Variants in PXDNL observed in about 807,000 individuals in gnomAD.
PXDNL encodes the protein probable oxidoreductase PXDNL.
In PXDNL, 145 loss-of-function variants were observed where a neutral mutation model predicts 150.8. That is an observed-to-expected ratio of 0.96 (90% CI 0.84 to 1.10). The LOEUF (loss-of-function observed/expected upper bound fraction) is 1.10, where lower values mean the gene tolerates loss of function less well. PXDNL is among the 50% of genes least tolerant of loss of function. The pLI, the probability that PXDNL is intolerant of heterozygous loss-of-function variation, is 0.00. For synonymous variants in PXDNL, 757 were observed against 725.7 expected (o/e 1.04, Z -0.69); for missense variants, 2,087 against 1,873.9 (o/e 1.11, Z -2.10).
intron 1 of PXDNL, among the ~76,000 whole-genome samples, chr8:51,725,444 CA>C (rs549299866): frequency 1.5e-3 from 231 of 152,322 alleles, no homozygotes; most frequent in African/African-American, 5.4e-3. Flanking sequence ...GTGTTTCTAA[CA>C]CCACTTATTT....
intron 1 of PXDNL, among the ~76,000 whole-genome samples, chr8:51,790,957 C>T (rs1235115217): frequency 6.6e-6 from 1 of 151,450 alleles, no homozygotes; most frequent in Non-Finnish European, 1.5e-5. Flanking sequence ...TAGAATTTAC[C>T]ATTTTCACCT....
chr8:51,674,413 G>A (rs989112899), intron 1 of PXDNL, among the ~76,000 whole-genome samples: 1 of 152,220 alleles, frequency 6.6e-6, no homozygotes, highest in Non-Finnish European at 1.5e-5. Context: ...AAAGGAGAAT[G>A]CCTGAAATAA....
At chr8:51,725,756 G>A (rs1816808371) in intron 1 of PXDNL, among the ~76,000 whole-genome samples, 1 of 152,212 alleles carries the variant, frequency 6.6e-6, no homozygotes, top group Admixed American at 6.5e-5. Context: ...GTTCTCTTTA[G>A]TAAGACACCT....
intron 2 of PXDNL, among the ~76,000 whole-genome samples, chr8:51,613,474 C>T (rs559899116): frequency 2.2e-5 from 1 of 46,320 alleles, no homozygotes; most frequent in Admixed American, 3.2e-4. Flanking sequence ...AACCTCACAG[C>T]TTAAGGGGGC....
intron 17 of PXDNL, among the ~76,000 whole-genome samples, chr8:51,379,146 G>A (rs1807456167): frequency 6.6e-6 from 1 of 151,946 alleles, no homozygotes; most frequent in African/African-American, 2.4e-5. Flanking sequence ...CAAACTTCCA[G>A]TGAACGTGGA....
intron 5 of PXDNL, among the ~76,000 whole-genome samples, chr8:51,487,351 A>C (rs373397448): frequency 1.3e-5 from 2 of 151,990 alleles, no homozygotes; most frequent in African/African-American, 4.8e-5. Flanking sequence ...TCCCTTGAAA[A>C]TCCAGGAGAC....
chr8:51,448,176 C>T (rs1281471831), intron 11 of PXDNL, among the ~76,000 whole-genome samples: 1 of 152,224 alleles, frequency 6.6e-6, no homozygotes, highest in Non-Finnish European at 1.5e-5. Flanking sequence ...CTTAGACAAG[C>T]TCTCATCCAG....
In PXDNL at chr8:51,631,500, T is replaced by G. The variant is rs1814488304; in HGVS notation, c.236+23189A>C. On this transcript the variant is annotated intron_variant, in intron 2 of 22. Coordinates refer to ENST00000356297, the MANE Select transcript of PXDNL (RefSeq NM_144651.5). ...AAACAAGAGCTAAGAGATTTTATTG[T>G]TAGTGGACCTATCCTACAAGAAATT... Among the ~76,000 whole-genome samples, 5 of 152,154 alleles carry G rather than the reference T, an allele frequency of 3.3e-5. 1 individual carries two copies. The highest frequency in any genetic ancestry group is 3.3e-4 in the Admixed American group (5 of 15,274).
At chr8:51,671,205 A>T (rs1815494192) in intron 1 of PXDNL, among the ~76,000 whole-genome samples, 1 of 152,246 alleles carries the variant, frequency 6.6e-6, no homozygotes. Context: ...AGAGATCGAC[A>T]GATAGAATTC....
intron 4 of PXDNL, among the ~76,000 whole-genome samples, chr8:51,522,057 T>C (rs1186000374): frequency 6.6e-6 from 1 of 152,152 alleles, no homozygotes; most frequent in East Asian, 1.9e-4. Flanking sequence ...AAACAAGGAA[T>C]GAACATCATA....
intron 21 of PXDNL, 31 bp downstream of exon 21, chr8:51,339,593 T>C: frequency 6.2e-7 from 1 of 1,605,626 alleles, no homozygotes; most frequent in Non-Finnish European, 8.5e-7. Flanking sequence ...ACGCATACAA[T>C]AAGGACATGT....
chr8:51,803,767 C>T (rs1212308490), intron 1 of PXDNL, among the ~76,000 whole-genome samples: 3 of 152,150 alleles, frequency 2.0e-5, no homozygotes, highest in Non-Finnish European at 2.9e-5. Context: ...GAATTCTAGC[C>T]TATGTGGCCT....
rs531185519 is a variant in PXDNL, at chr8:51,669,991, C to A, written c.165-15231G>T. On this transcript the variant is annotated intron_variant, in intron 1 of 22. Transcript: ENST00000356297. Reference sequence around the variant, plus strand: ...GTGGCTCATGCCTGTAATCTCAGTACTTTGGGAGGCCAAGGTGGGCAGATC... The same window carrying A: ...GTGGCTCATGCCTGTAATCTCAGTAATTTGGGAGGCCAAGGTGGGCAGATC... 9.9e-5 allele frequency among the ~76,000 whole-genome samples: 15 copies of A among 152,262 alleles called. No individual in the cohort carries two copies. In the South Asian group the frequency reaches 2.9e-3, roughly 29 times the overall value.
chr8:51,375,019 A>G (rs972210482), intron 17 of PXDNL, among the ~76,000 whole-genome samples: 1 of 152,140 alleles, frequency 6.6e-6, no homozygotes, highest in Non-Finnish European at 1.5e-5. Flanking sequence ...CATATGGAGT[A>G]TAACTGTATA....
intron 17 of PXDNL, among the ~76,000 whole-genome samples, chr8:51,399,723 T>C (rs536628301): frequency 5.3e-5 from 8 of 152,366 alleles, no homozygotes; most frequent in African/African-American, 1.9e-4. Context: ...TTGTACCACA[T>C]GCCACTTTTG....
rs1234949984 is a variant in PXDNL at position 51,449,115 on chromosome 8, G to T, written c.1253C>A (p.Pro418His). 1.3e-6 allele frequency: 2 copies of T among 1,516,926 alleles called. No homozygotes were observed. The highest frequency in any genetic ancestry group is 1.8e-6 in the Non-Finnish European group (2 of 1,120,760). The allele number at this position is 1,516,926 out of a possible 1,614,324, so 94.0% of individuals were successfully genotyped here. The change falls in exon 11 of 23, where the codon CCT becomes CAT. Residue 418 changes from proline to histidine, a missense_variant. Pro to His is a moderately conservative substitution (Grantham distance 77). Transcript: ENST00000356297. ...QAAANIIVQA[P>H]PQFTVTPKDQ... ...CTTGGGGGTTACTGTAAATTGTGGA[G>T]GAGCTAAAGAGAATGAAACATACAT...
rs539022633 is a variant in PXDNL at position 51,699,894 on chromosome 8, A to G, written c.165-45134T>C. On this transcript the variant is annotated intron_variant, in intron 1 of 22. Coordinates refer to ENST00000356297, the MANE Select transcript of PXDNL (RefSeq NM_144651.5). Reference sequence around the variant, plus strand: ...GTTAAGTTCACCATCCTATATGGACATGGTTCGTAGCACCCTAAAACAACT... The same window carrying G: ...GTTAAGTTCACCATCCTATATGGACGTGGTTCGTAGCACCCTAAAACAACT... Among the ~76,000 whole-genome samples the G allele has an allele frequency of 2.6e-5, 4 of 152,302 alleles. No homozygotes were observed. The East Asian group carries it at 7.7e-4, about 29-fold the overall frequency.
At chr8:51,371,765 G>A (rs1167488565) in intron 19 of PXDNL, 108 bp downstream of exon 19, 3 of 1,031,254 alleles carry the variant, frequency 2.9e-6, no homozygotes, top group African/African-American at 3.2e-5. Context: ...TGTGTTGTTG[G>A]CTTTTTGCGT....
chr8:51,448,603 G>A (rs947465932), intron 11 of PXDNL, among the ~76,000 whole-genome samples: 3 of 152,114 alleles, frequency 2.0e-5, no homozygotes, highest in Non-Finnish European at 4.4e-5. Flanking sequence ...TACAGGCTGA[G>A]GCAGAAGAAT....
Sources: gnomAD v4.1 joint callset for allele counts (sites outside exome capture counted in the v4.1 genomes callset) on GRCh38, gnomAD v4.1.1 for gene constraint, MANE v1.5 for transcripts, NCBI Gene and HGNC (gene_info 2026-07-23, HGNC 2026-07-21) for gene names.